The following DIP2B variants were observed in gnomAD, a reference collection of about 807,000 sequenced individuals.
DIP2B encodes the protein DIP2 acetate--CoA ligase B (putative).
DIP2B carries 76 observed loss-of-function variants against 198.0 expected under a neutral mutation model. The ratio of observed to expected loss-of-function variants is 0.38; its 90% CI spans 0.32 to 0.46. The LOEUF (loss-of-function observed/expected upper bound fraction) is 0.46. DIP2B is among the 20% of genes least tolerant of loss of function. The pLI, the probability that DIP2B is intolerant of heterozygous loss-of-function variation, is 0.99. For synonymous variants in DIP2B, 701 were observed against 739.1 expected (o/e 0.95, Z 0.84); for missense variants, 1,559 against 1,978.4 (o/e 0.79, Z 4.02).
Position 50,744,878 on chromosome 12 carries a change from T to C in DIP2B, c.*39T>C, listed in dbSNP as rs1428610800. ...GACTGCAGTGGGCCATTCTGAAGAA[T>C]CACAAAGACAGAAGACCTCTGGCTA... is the stretch of plus-strand genomic sequence containing the variant. On this transcript the variant is annotated 3_prime_UTR_variant, in exon 38 of 38. Coordinates refer to ENST00000301180, the MANE Select transcript of DIP2B (RefSeq NM_173602.3). The C allele has an allele frequency of 1.9e-6, 3 of 1,603,296 alleles. No individual in the cohort carries two copies. The East Asian group carries it at 6.7e-5, about 36-fold the overall frequency.
chr12:50,636,447 G>GC (rs549271008), intron 2 of DIP2B, among the ~76,000 whole-genome samples: 6 of 152,070 alleles, frequency 3.9e-5, no homozygotes, highest in Non-Finnish European at 7.4e-5. Context: ...AATTATATCT[G>GC]CCCCCGTATA....
intron 8 of DIP2B, 91 bp downstream of exon 8, chr12:50,678,967 G>A: frequency 2.9e-6 from 4 of 1,393,432 alleles, no homozygotes; most frequent in Non-Finnish European, 4.0e-6. Context: ...GCAGTTGCTG[G>A]CCATTATGTT....
intron 1 of DIP2B, among the ~76,000 whole-genome samples, chr12:50,564,786 G>A (rs923466319): frequency 8.6e-5 from 13 of 151,922 alleles, no homozygotes; most frequent in African/African-American, 2.9e-4. Context: ...TGCTGAGTAG[G>A]GCTTAATTTT....
intron 1 of DIP2B, among the ~76,000 whole-genome samples, chr12:50,534,415 C>T (rs1257524999): frequency 6.8e-6 from 1 of 146,098 alleles, no homozygotes; most frequent in African/African-American, 2.5e-5. Context: ...CTGTGTCGCC[C>T]AGACTGGAGT....
intron 20 of DIP2B, 43 bp from the exon 21 acceptor site, chr12:50,706,486 TGTTTTACTA>T (rs1939515024): frequency 1.3e-6 from 2 of 1,588,100 alleles, no homozygotes; most frequent in Non-Finnish European, 1.7e-6. Flanking sequence ...AAAAGATGTC[TGTTTTACTA>T]TTTAAATCAT....
chr12:50,630,673 T>C lies in DIP2B; in HGVS notation c.172+4626T>C, dbSNP rs1346766546. ...CGAATTCTTTCTTTTCTTTTTTTTT[T>C]TTTTTTTTTTTTTTTGAGACAGAGT... On this transcript the variant is annotated intron_variant, in intron 2 of 37. Coordinates refer to ENST00000301180, the MANE Select transcript of DIP2B (RefSeq NM_173602.3). Among the ~76,000 whole-genome samples, 131 of 141,698 alleles carry C rather than the reference T, an allele frequency of 9.2e-4. 3 individuals are homozygous for C. Among genetic ancestry groups the C allele is most frequent in the Non-Finnish European group, 5.1e-4 (33 of 65,274 alleles). 93.0% of individuals were successfully genotyped at this position (141,698 alleles called of 152,430 possible). A position where few individuals can be genotyped will look rare whatever the true frequency, so the allele number is the denominator to read the frequency against.
intron 4 of DIP2B, among the ~76,000 whole-genome samples, chr12:50,663,273 A>G (rs1282447979): frequency 2.0e-5 from 3 of 146,672 alleles, no homozygotes; most frequent in Non-Finnish European, 4.5e-5. Context: ...AAAATACAAA[A>G]AATTAGCCGG....
chr12:50,725,017 A>G, intron 28 of DIP2B, 131 bp downstream of exon 28: 6 of 823,964 alleles, frequency 7.3e-6, no homozygotes, highest in Non-Finnish European at 1.2e-5. Context: ...GGCAAAACCT[A>G]GGATCAGTAA....
At chr12:50,604,749 G>A (rs1476925152) in intron 1 of DIP2B, among the ~76,000 whole-genome samples, 1 of 152,120 alleles carries the variant, frequency 6.6e-6, no homozygotes, top group Non-Finnish European at 1.5e-5. Flanking sequence ...CAGCTTGATT[G>A]CATTGTTGAC....
chr12:50,510,648 CTTT>C (rs1337592696), intron 1 of DIP2B, among the ~76,000 whole-genome samples: 1 of 142,588 alleles, frequency 7.0e-6, no homozygotes. Flanking sequence ...AAAGTACCAC[CTTT>C]TTTTTTTTTT....
chr12:50,549,354 C>T (rs1284924280), intron 1 of DIP2B, among the ~76,000 whole-genome samples: 1 of 151,986 alleles, frequency 6.6e-6, no homozygotes, highest in East Asian at 1.9e-4. Context: ...CACGGTGAAA[C>T]CCTGTCTCTA....
intron 2 of DIP2B, among the ~76,000 whole-genome samples, chr12:50,630,939 G>A (rs1271389441): frequency 1.3e-5 from 2 of 152,014 alleles, no homozygotes; most frequent in African/African-American, 2.4e-5. Flanking sequence ...CCAAAGTGCT[G>A]GGATTACAGG....
At chr12:50,588,269 A>C (rs927140121) in intron 1 of DIP2B, among the ~76,000 whole-genome samples, 2 of 151,846 alleles carry the variant, frequency 1.3e-5, no homozygotes, top group African/African-American at 2.4e-5. Flanking sequence ...CTTGTGCCTC[A>C]GCCTCCTGAG....
At chr12:50,661,121 C>T (rs1311383594) in intron 4 of DIP2B, among the ~76,000 whole-genome samples, 1 of 151,792 alleles carries the variant, frequency 6.6e-6, no homozygotes, top group African/African-American at 2.4e-5. Flanking sequence ...CTAGTGGAAG[C>T]TCGAAAAAAA....
At chr12:50,738,838 A>G (rs993200746) in intron 35 of DIP2B, among the ~76,000 whole-genome samples, 8 of 152,238 alleles carry the variant, frequency 5.3e-5, no homozygotes, top group African/African-American at 1.9e-4. Flanking sequence ...GAGTAGAATC[A>G]TTATAACAAT....
At position 50,640,831 on chromosome 12, in the gene DIP2B, A is replaced by C; in HGVS notation, c.280A>C (p.Arg94=). The change falls in exon 3 of 38, where the codon AGG becomes CGG. Residue 94 remains arginine (R), a synonymous_variant. Transcript: ENST00000301180. Reference sequence around the variant, plus strand: ...CCACCGAACTCGATCTGGGGGAGCCAGGGATGAACGATATCGATCAGGTGA... The same window carrying C: ...CCACCGAACTCGATCTGGGGGAGCCCGGGATGAACGATATCGATCAGGTGA... ...KYHRTRSGGA[R]DERYRSDIHT... 6.2e-7 allele frequency: 1 copy of C among 1,613,878 alleles called. No individual in the cohort carries two copies.
At chr12:50,534,369 A>ATTTTTTTTTTT (rs72095442) in intron 1 of DIP2B, among the ~76,000 whole-genome samples, 2 of 107,870 alleles carry the variant, frequency 1.9e-5, no homozygotes, top group Non-Finnish European at 3.5e-5. Flanking sequence ...TTCTCATTTC[A>ATTTTTTTTTTT]TTTTTTTTTT....
intron 1 of DIP2B, among the ~76,000 whole-genome samples, chr12:50,559,442 T>TA (rs1480905163): frequency 1.3e-5 from 2 of 151,566 alleles, no homozygotes; most frequent in African/African-American, 4.8e-5. Context: ...AATTGGTCCT[T>TA]AAAAAAAATA....
chr12:50,678,797 C>G lies in DIP2B; in HGVS notation c.1035C>G (p.Arg345=), dbSNP rs1419399468. 1 of 1,614,196 alleles carries G rather than the reference C, an allele frequency of 6.2e-7. No individual in the cohort carries two copies. Among genetic ancestry groups the G allele is most frequent in the Non-Finnish European group, 8.5e-7 (1 of 1,180,030 alleles). Residue 345 remains arginine, a synonymous_variant, in exon 8 of 38, where the codon CGC becomes CGG. Transcript: ENST00000301180. The part of the protein sequence containing the change: ...WPPALESALQ[R]WGTTQAKCSC... ...CTGCTCTTGAATCTGCCCTGCAGCG[C>G]TGGGGTACCACTCAAGCAAAATGCT... is the stretch of plus-strand genomic sequence containing the variant.
Sources: gnomAD v4.1 joint callset for allele counts (sites outside exome capture counted in the v4.1 genomes callset) on GRCh38, gnomAD v4.1.1 for gene constraint, MANE v1.5 for transcripts, NCBI Gene and HGNC (gene_info 2026-07-23, HGNC 2026-07-21) for gene names.